The following TRIM69 variants were observed in gnomAD, a reference collection of about 807,000 sequenced individuals.
The protein encoded by TRIM69 is tripartite motif containing 69, also known as E3 ubiquitin-protein ligase TRIM69.
A neutral mutation model predicts 37.7 loss-of-function variants in TRIM69; 29 were observed. The observed-to-expected ratio is 0.77, with a 90% CI of 0.57 to 1.05. The LOEUF (loss-of-function observed/expected upper bound fraction) is 1.05, where lower values mean the gene tolerates loss of function less well. TRIM69 is among the 50% of genes least tolerant of loss of function. The pLI is 0.00. For synonymous variants in TRIM69, 209 were observed against 212.4 expected (o/e 0.98, Z 0.14); for missense variants, 596 against 579.9 (o/e 1.03, Z -0.28).
Position 44,767,644 on chromosome 15 carries a change from G to T in TRIM69, c.1375G>T (p.Ala459Ser). ...AGGAGGACAGTTGTCCTTCTACAAT[G>T]CTAAAACCATGACTCACATTTACAC... Reference protein sequence around the residue: ...YEGGQLSFYNAKTMTHIYTFS... With the variant: ...YEGGQLSFYNSKTMTHIYTFS... The change falls in exon 7 of 7, where the codon GCT becomes TCT. Residue 459 changes from alanine to serine, a missense_variant. By Grantham distance (99) the Ala-to-Ser change is moderately conservative (BLOSUM62 1). Transcript: ENST00000329464. 2 of 1,614,158 alleles carry T rather than the reference G, an allele frequency of 1.2e-6. No homozygotes were observed. The highest frequency in any genetic ancestry group is 1.7e-6 in the Non-Finnish European group (2 of 1,180,018).
intron 6 of TRIM69, among the ~76,000 whole-genome samples, chr15:44,763,063 T>C (rs773570787): frequency 6.6e-6 from 1 of 152,220 alleles, no homozygotes; most frequent in African/African-American, 2.4e-5. Context: ...ACCAAATTGA[T>C]ACATTATTAA....
intron 1 of TRIM69, chr15:44,753,195 A>T (rs2087571406): frequency 6.6e-6 from 1 of 152,070 alleles, no homozygotes; most frequent in South Asian, 2.1e-4. Flanking sequence ...ATCTACTAGC[A>T]TTTTTTGTAG....
chr15:44,739,331 T>C (rs2087228817), intron 1 of TRIM69, among the ~76,000 whole-genome samples: 1 of 152,194 alleles, frequency 6.6e-6, no homozygotes, highest in Non-Finnish European at 1.5e-5. Context: ...TGCATTTCCA[T>C]CTGAGGTACC....
intron 1 of TRIM69, among the ~76,000 whole-genome samples, chr15:44,750,950 CTTTT>C (rs71111890): frequency 3.5e-3 from 119 of 33,580 alleles, no homozygotes; most frequent in African/African-American, 0.014. Context: ...TTTCTTTTGC[CTTTT>C]TTTTTTTTTT....
chr15:44,736,933 T>A (rs1371378506), intron 1 of TRIM69, among the ~76,000 whole-genome samples: 2 of 152,126 alleles, frequency 1.3e-5, no homozygotes, highest in Non-Finnish European at 2.9e-5. Flanking sequence ...CACCAAAACA[T>A]TTTGAGAAAA....
chr15:44,758,747 A>T lies in TRIM69; in HGVS notation c.706A>T (p.Met236Leu), dbSNP rs1174476424. ...REEGKALNEE[M>L]ELNLSQLQEQ... The stretch of plus-strand genomic sequence containing the variant: ...AGAGGGGAAAGCCTTGAATGAGGAG[A>T]TGGAGTTGAATCTGAGCCAGCTTCA... The change falls in exon 4 of 7, where the codon ATG (methionine) becomes TTG (leucine). Residue 236 changes from methionine (M) to leucine (L), a missense_variant. By Grantham distance (15) the Met-to-Leu change is conservative. Coordinates refer to ENST00000329464, the MANE Select transcript of TRIM69 (RefSeq NM_182985.5). The T allele has an allele frequency of 6.2e-7, 1 of 1,614,130 alleles. No individual in the cohort carries two copies. The highest frequency in any genetic ancestry group is 2.2e-5 in the East Asian group (1 of 44,876).
rs191001687 is a variant in TRIM69 at position 44,751,228 on chromosome 15, G to T, written c.7-3672G>T. Among the ~76,000 whole-genome samples the T allele has an allele frequency of 4.6e-4, 69 of 151,568 alleles. 2 individuals are homozygous for T. In the East Asian group the frequency reaches 0.012, roughly 27 times the overall value. On this transcript the variant is annotated intron_variant, in intron 1 of 6. Transcript: ENST00000329464. The stretch of plus-strand genomic sequence containing the variant: ...CCTCCCAGGTTCAAGCAATTCTCCT[G>T]CCTCAGCCTCCCGAGTAGCTGGGAT...
intron 1 of TRIM69, among the ~76,000 whole-genome samples, chr15:44,749,280 C>T (rs2087472028): frequency 6.6e-6 from 1 of 152,084 alleles, no homozygotes; most frequent in African/African-American, 2.4e-5. Flanking sequence ...GCATTTAGTG[C>T]GTTCACAATG....
intron 4 of TRIM69, 57 bp downstream of exon 4, chr15:44,758,911 G>A (rs2087713125): frequency 6.4e-7 from 1 of 1,553,910 alleles, no homozygotes; most frequent in Non-Finnish European, 8.7e-7. Context: ...GGGGGAAGAG[G>A]TTTGGAAAGA....
Position 44,742,407 on chromosome 15 carries a change from C to G in TRIM69, c.6+5697C>G, listed in dbSNP as rs372576274. 7.8e-3 allele frequency among the ~76,000 whole-genome samples: 1,113 copies of G among 143,110 alleles called. 14 individuals are homozygous for G. Among genetic ancestry groups the G allele is most frequent in the African/African-American group, 0.024 (942 of 38,906 alleles). 93.9% of individuals were successfully genotyped at this position (143,110 alleles called of 152,430 possible). On this transcript the variant is annotated intron_variant, in intron 1 of 6. Coordinates refer to ENST00000329464, the MANE Select transcript of TRIM69 (RefSeq NM_182985.5). ...GAAGCATTCCCTTTGAAAACTGGCA[C>G]AAGACAGGGATGCCCTCTCTCACCA... is the stretch of plus-strand genomic sequence containing the variant.
chr15:44,749,013 C>T (rs7178434), intron 1 of TRIM69, among the ~76,000 whole-genome samples: 2,329 of 151,522 alleles, frequency 0.015, 58 homozygotes, highest in African/African-American at 0.052. Flanking sequence ...TCCGAGTAGC[C>T]GGGATTACAG....
chr15:44,761,507 C>G, intron 6 of TRIM69, among the ~76,000 whole-genome samples: 1 of 152,176 alleles, frequency 6.6e-6, no homozygotes, highest in East Asian at 1.9e-4. Context: ...ACTCTGATGT[C>G]CAGGCTAGAG....
In TRIM69 at chr15:44,767,744, A is replaced by G. The variant is rs905980772; in HGVS notation, c.1475A>G (p.Glu492Gly). 12 of 1,613,128 alleles carry G rather than the reference A, an allele frequency of 7.4e-6. No homozygotes were observed. The African/African-American group carries it at 1.6e-4, about 22-fold the overall frequency. Reference sequence around the variant, plus strand: ...CTTAATGATGGTGGAGAGAATAAAGAACCATTGCACATCTTACATCCACAG... The same window carrying G: ...CTTAATGATGGTGGAGAGAATAAAGGACCATTGCACATCTTACATCCACAG... ...PCLNDGGENK[E>G]PLHILHPQ The change falls in exon 7 of 7, where the codon GAA becomes GGA. Residue 492 changes from glutamate (E) to glycine (G), a missense_variant. Glu to Gly is a moderately conservative substitution (Grantham distance 98). Transcript: ENST00000329464.
intron 1 of TRIM69, among the ~76,000 whole-genome samples, chr15:44,750,738 T>TGAGACAGAGTCTCACTC (rs2087504314): frequency 7.5e-6 from 1 of 132,930 alleles, no homozygotes; most frequent in Non-Finnish European, 1.6e-5. Context: ...TTTTTTTTTT[T>TGAGACAGAGTCTCACTC]TTTTGAGACG....
intron 6 of TRIM69, among the ~76,000 whole-genome samples, chr15:44,762,722 T>C (rs1328533392): frequency 6.6e-6 from 1 of 152,156 alleles, no homozygotes; most frequent in South Asian, 2.1e-4. Context: ...ATCTTTCTTA[T>C]CTCTTCTCAC....
At position 44,759,647 on chromosome 15, in the gene TRIM69, C is replaced by G; in HGVS notation, c.821C>G (p.Thr274Arg). ...CTTTCTCCTTTCTTCTAGGACATCA[C>G]AACTCTCTTACATAGGTAAGTGTTT... Reference protein sequence around the residue: ...QNSFDFLKDITTLLHSLEQGM... With the variant: ...QNSFDFLKDIRTLLHSLEQGM... Residue 274 changes from threonine (T) to arginine (R), a missense_variant, in exon 5 of 7, where the codon ACA becomes AGA. Coordinates refer to ENST00000329464, the MANE Select transcript of TRIM69 (RefSeq NM_182985.5). 1 of 1,613,990 alleles carries G rather than the reference C, an allele frequency of 6.2e-7. No homozygotes were observed. Among genetic ancestry groups the G allele is most frequent in the Non-Finnish European group, 8.5e-7 (1 of 1,179,912 alleles).
rs779421211 is a variant in TRIM69, at chr15:44,758,813, C to G, written c.772C>G (p.Gln258Glu). The change falls in exon 4 of 7, where the codon CAG becomes GAG. Residue 258 changes from glutamine (Q) to glutamate (E), a missense_variant. By Grantham distance (29) the Gln-to-Glu change is conservative (BLOSUM62 2). Transcript: ENST00000329464. ...AGCCAAGGATATGTTGGTGAGCATTCAGGCAAAGACGGAACAACAGAACTC... is the reference window on the plus strand; with the variant it reads ...AGCCAAGGATATGTTGGTGAGCATTGAGGCAAAGACGGAACAACAGAACTC... ...LLAKDMLVSI[Q>E]AKTEQQNSFD... is the part of the protein sequence containing the mutation. The G allele has an allele frequency of 6.2e-7, 1 of 1,613,980 alleles. No individual in the cohort carries two copies. The highest frequency in any genetic ancestry group is 8.5e-7 in the Non-Finnish European group (1 of 1,179,960).
chr15:44,765,602 A>G (rs574811136), intron 6 of TRIM69, among the ~76,000 whole-genome samples: 3 of 151,344 alleles, frequency 2.0e-5, no homozygotes, highest in East Asian at 3.9e-4. Flanking sequence ...ATTACAAAAA[A>G]TATCAGCTGA....
At chr15:44,765,014 C>T (rs1178217988) in intron 6 of TRIM69, among the ~76,000 whole-genome samples, 1 of 152,076 alleles carries the variant, frequency 6.6e-6, no homozygotes. Flanking sequence ...GTATGCTGAG[C>T]AGGGAAATGG....
Sources: allele counts gnomAD v4.1 joint callset (sites outside exome capture counted in the v4.1 genomes callset), GRCh38; gene constraint gnomAD v4.1.1; transcripts MANE v1.5; gene names NCBI Gene and HGNC (gene_info 2026-07-23, HGNC 2026-07-21).